The following MOBP variants were observed in gnomAD, a reference collection of about 807,000 sequenced individuals.
MOBP encodes the protein myelin-associated oligodendrocyte basic protein.
A neutral mutation model predicts 15.0 loss-of-function variants in MOBP; 5 were observed. That is an observed-to-expected ratio of 0.33 (90% confidence interval 0.17 to 0.70). MOBP has a LOEUF of 0.70. Among genes scored for constraint, MOBP ranks in the 30% least tolerant of loss-of-function variants. The pLI is 0.67. For synonymous variants in MOBP, 88 were observed against 99.0 expected (o/e 0.89, Z 0.66); for missense variants, 188 against 257.8 (o/e 0.73, Z 1.85).
At position 39,508,130 on chromosome 3, in the gene MOBP, A is replaced by T. The variant is rs575159504; in HGVS notation, c.*-5253A>T. Reference sequence around the variant, plus strand: ...AATTGTGTTTATCCTATCACTAAGCAGTTTCCTTTGGGCAGTTATAGTTCA... The same window carrying T: ...AATTGTGTTTATCCTATCACTAAGCTGTTTCCTTTGGGCAGTTATAGTTCA... On this transcript the variant is annotated intron_variant, in intron 4 of 4. Transcript: ENST00000311042. 5.0e-4 allele frequency among the ~76,000 whole-genome samples: 76 copies of T among 152,362 alleles called. 1 individual carries two copies. The South Asian group carries it at 8.1e-3, about 16-fold the overall frequency.
At chr3:39,510,800 T>C (rs911835337) in intron 4 of MOBP, among the ~76,000 whole-genome samples, 25 of 152,244 alleles carry the variant, frequency 1.6e-4, no homozygotes, top group Admixed American at 1.4e-3. Context: ...TGTATATGTT[T>C]CGAACTGCTA....
intron 2 of MOBP, among the ~76,000 whole-genome samples, chr3:39,497,309 A>G (rs529590341): frequency 1.3e-5 from 2 of 152,296 alleles, no homozygotes; most frequent in African/African-American, 4.8e-5. Flanking sequence ...TGAAGTCTCC[A>G]AACTCCATTC....
In MOBP at chr3:39,521,928, C is replaced by G. The variant is rs187076495; in HGVS notation, c.*259-2315C>G. On this transcript the variant is annotated intron_variant and NMD_transcript_variant, in intron 3 of 4. Coordinates refer to the MOBP transcript ENST00000424090. ...TGCGCATAACCTGTGTTGACAAGTG[C>G]TCATTTTAATTGGTTGATGGTCTTG... 5.3e-5 allele frequency among the ~76,000 whole-genome samples: 8 copies of G among 152,278 alleles called. No homozygotes were observed. The East Asian group carries it at 1.5e-3, about 29-fold the overall frequency.
At chr3:39,500,214 C>T (rs2042950023) in intron 2 of MOBP, 1 of 394,226 alleles carries the variant, frequency 2.5e-6, no homozygotes, top group African/African-American at 2.1e-5. Flanking sequence ...GTATCTCCCA[C>T]TGGTGGATAA....
chr3:39,503,110 T>C (rs2042999965), downstream of MOBP: 5 of 482,062 alleles, frequency 1.0e-5, no homozygotes, highest in Non-Finnish European at 1.8e-5. Context: ...CGTTGTCTAA[T>C]AGGACTGGAA....
At chr3:39,480,202 A>T (rs1310544045) in intron 2 of MOBP, 79 bp downstream of exon 2, 2 of 152,188 alleles carry the variant, frequency 1.3e-5, no homozygotes, top group East Asian at 3.8e-4. Flanking sequence ...AGAATGTCAC[A>T]ATAGAATGCA....
At chr3:39,526,294 A>G (rs1020275933), downstream of MOBP, 1 of 152,234 alleles carries the variant, frequency 6.6e-6, no homozygotes, top group Non-Finnish European at 1.5e-5. Flanking sequence ...TAGCCCAGAA[A>G]TGTTAGTAAC....
At chr3:39,495,067 A>C (rs1477548477) in intron 2 of MOBP, among the ~76,000 whole-genome samples, 1 of 152,136 alleles carries the variant, frequency 6.6e-6, no homozygotes, top group African/African-American at 2.4e-5. Context: ...TCCTGTACCC[A>C]GGAGTAAACT....
Position 39,502,898 on chromosome 3 carries a change from T to C in MOBP, c.*18T>C. 1 of 1,099,568 alleles carries C rather than the reference T, an allele frequency of 9.1e-7. No individual in the cohort carries two copies. Among genetic ancestry groups the C allele is most frequent in the Non-Finnish European group, 1.3e-6 (1 of 783,046 alleles). The allele number at this position is 1,099,568 out of a possible 1,614,324, so 68.1% of individuals were successfully genotyped here. On this transcript the variant is annotated 3_prime_UTR_variant, in exon 4 of 4. Transcript: ENST00000684792. The surrounding 1 kb of genome is among the most constrained non-coding windows in gnomAD (Gnocchi z 6.3). ...TCTGGTAACACCATCTCTTCCCTTT[T>C]GTTCCCCAGCCCTAAGGTTAGTAGT...
At chr3:39,525,709 G>A (rs1175310014), downstream of MOBP, 2 of 152,760 alleles carry the variant, frequency 1.3e-5, no homozygotes, top group African/African-American at 4.8e-5. Context: ...ATGCCACAGA[G>A]TATGAAGGAA....
chr3:39,499,900 A>G, intron 2 of MOBP: 1 of 402,750 alleles, frequency 2.5e-6, no homozygotes, highest in Non-Finnish European at 5.0e-6. Flanking sequence ...ATCTTTGGCC[A>G]GATGAAATGC....
intron 1 of MOBP, among the ~76,000 whole-genome samples, chr3:39,476,801 A>C (rs2042551378): frequency 6.6e-6 from 1 of 152,074 alleles, no homozygotes; most frequent in African/African-American, 2.4e-5. Flanking sequence ...TTTATGGAAA[A>C]GCCTCATTTT....
intron 2 of MOBP, among the ~76,000 whole-genome samples, chr3:39,496,111 T>C (rs6762416): frequency 0.28 from 41,884 of 151,938 alleles, 6,926 homozygotes; most frequent in African/African-American, 0.46. Flanking sequence ...GGTAAATATT[T>C]TCAAAGAAAA....
downstream of MOBP, chr3:39,526,080 T>C (rs1046728045): frequency 6.6e-6 from 1 of 152,134 alleles, no homozygotes; most frequent in Non-Finnish European, 1.5e-5. Context: ...CCACTGTAAG[T>C]GAGAACAAAT....
chr3:39,500,748 G>A (rs1488569972), intron 2 of MOBP, among the ~76,000 whole-genome samples: 1 of 152,154 alleles, frequency 6.6e-6, no homozygotes, highest in Non-Finnish European at 1.5e-5. Context: ...AAAGACACGG[G>A]AGCAGGATCC....
intron 3 of MOBP, among the ~76,000 whole-genome samples, chr3:39,521,584 T>C (rs2043267685): frequency 6.6e-6 from 1 of 152,348 alleles, no homozygotes; most frequent in African/African-American, 2.4e-5. Context: ...AAAATGAAAG[T>C]GTCTGCTCCT....
At chr3:39,468,794 G>GTA (rs1318914956) in intron 1 of MOBP, among the ~76,000 whole-genome samples, 7 of 101,928 alleles carry the variant, frequency 6.9e-5, no homozygotes, top group Admixed American at 6.5e-4. Context: ...ACATGTGTGT[G>GTA]TATATATACA....
chr3:39,479,504 T>A (rs143585161), intron 1 of MOBP, among the ~76,000 whole-genome samples: 1 of 152,208 alleles, frequency 6.6e-6, no homozygotes, highest in African/African-American at 2.4e-5. Flanking sequence ...GAAAACAGTA[T>A]TAATATCCTC....
downstream of MOBP, among the ~76,000 whole-genome samples, chr3:39,518,025 C>A (rs1236540128): frequency 6.6e-6 from 1 of 152,204 alleles, no homozygotes; most frequent in Non-Finnish European, 1.5e-5. Context: ...AGTTATCTAT[C>A]ATAATTTGAT....
Sources: allele counts gnomAD v4.1 joint callset (sites outside exome capture counted in the v4.1 genomes callset), GRCh38; gene constraint gnomAD v4.1.1; non-coding constraint Gnocchi (gnomAD v3.1); transcripts MANE v1.5; gene names NCBI Gene and HGNC (gene_info 2026-07-23, HGNC 2026-07-21).